The following DSCAM variants were observed in gnomAD, a reference collection of about 807,000 sequenced individuals.
DSCAM encodes DS cell adhesion molecule.
In DSCAM, 47 loss-of-function variants were observed where a neutral mutation model predicts 217.7. The observed-to-expected ratio is 0.22, with a 90% CI of 0.17 to 0.28. The LOEUF is 0.28. Among genes scored for constraint, DSCAM ranks in the 10% least tolerant of loss-of-function variants. The pLI is 1.00. For synonymous variants in DSCAM, 1,056 were observed against 1,015.3 expected (o/e 1.04, Z -0.76); for missense variants, 2,080 against 2,618.3 (o/e 0.79, Z 4.49).
At chr21:40,557,640 CT>C (rs2076682645) in intron 3 of DSCAM, among the ~76,000 whole-genome samples, 1 of 152,150 alleles carries the variant, frequency 6.6e-6, no homozygotes, top group African/African-American at 2.4e-5. Flanking sequence ...CAGCTGCTTC[CT>C]TTTTTCACCA....
intron 11 of DSCAM, among the ~76,000 whole-genome samples, chr21:40,197,149 T>C (rs1479299608): frequency 6.6e-6 from 1 of 152,036 alleles, no homozygotes; most frequent in Non-Finnish European, 1.5e-5. Context: ...GACGGAGTCT[T>C]GCTCTGTGGC....
At chr21:40,165,725 G>A (rs1241501576) in intron 16 of DSCAM, among the ~76,000 whole-genome samples, 2 of 152,160 alleles carry the variant, frequency 1.3e-5, no homozygotes, top group African/African-American at 4.8e-5. Flanking sequence ...AGCTTTTGAG[G>A]CCACAGTAAT....
chr21:40,266,257 C>G (rs527713741), intron 11 of DSCAM, among the ~76,000 whole-genome samples: 1 of 151,966 alleles, frequency 6.6e-6, no homozygotes, highest in Non-Finnish European at 1.5e-5. Flanking sequence ...AACTGCTCAA[C>G]ATCACTAACT....
chr21:40,165,194 A>G (rs1290529886), intron 16 of DSCAM, among the ~76,000 whole-genome samples: 1 of 152,244 alleles, frequency 6.6e-6, no homozygotes, highest in African/African-American at 2.4e-5. Context: ...CTCCTTACAC[A>G]AAACAGATAT....
chr21:40,267,263 C>CTT (rs79217614), intron 11 of DSCAM, among the ~76,000 whole-genome samples: 2 of 145,342 alleles, frequency 1.4e-5, no homozygotes, highest in African/African-American at 2.5e-5. Flanking sequence ...TTACAGTTAA[C>CTT]TTTTTTTTTT....
chr21:40,582,950 G>A (rs533636790), intron 3 of DSCAM, among the ~76,000 whole-genome samples: 13 of 152,070 alleles, frequency 8.5e-5, no homozygotes, highest in African/African-American at 3.1e-4. Context: ...AAAGCAATCC[G>A]ATATTTGCAA....
chr21:40,708,890 A>C (rs2090746677), intron 1 of DSCAM, 119 bp from the exon 2 acceptor site: 3 of 680,058 alleles, frequency 4.4e-6, no homozygotes, highest in Non-Finnish European at 6.5e-6. Flanking sequence ...AGGCTCAAAT[A>C]AAACCAAATA....
chr21:40,763,542 G>A (rs1569024625), intron 1 of DSCAM, among the ~76,000 whole-genome samples: 1 of 152,178 alleles, frequency 6.6e-6, no homozygotes, highest in Non-Finnish European at 1.5e-5. Flanking sequence ...TAGATTAAAT[G>A]CTATTCTCAT....
rs1432121138 is a variant in DSCAM, at chr21:40,370,516, G to A, written c.509-1271C>T. 2.0e-5 allele frequency among the ~76,000 whole-genome samples: 3 copies of A among 152,084 alleles called. No homozygotes were observed. In the East Asian group the frequency reaches 5.8e-4, roughly 29 times the overall value. On this transcript the variant is annotated intron_variant, in intron 3 of 32. Coordinates refer to ENST00000400454, the MANE Select transcript of DSCAM (RefSeq NM_001389.5). ...AATTTCCAGGAGTCTTAGCTTCATT[G>A]CTTTTGAGCTTTACATATTTAAATT...
intron 4 of DSCAM, among the ~76,000 whole-genome samples, chr21:40,359,944 A>G (rs1405019869): frequency 6.6e-6 from 1 of 152,090 alleles, no homozygotes; most frequent in Admixed American, 6.6e-5. Context: ...AAAGTAAACT[A>G]CCTCTCAACA....
rs1257768513 is a variant in DSCAM, at chr21:40,155,056, C to T, written c.3019-10325G>A. Among the ~76,000 whole-genome samples the T allele has an allele frequency of 3.3e-5, 5 of 152,328 alleles. No individual in the cohort carries two copies. In the East Asian group the frequency reaches 5.8e-4, roughly 18 times the overall value. The stretch of plus-strand genomic sequence containing the variant: ...CATTTCTAAAGTGTAGGACAGCTTC[C>T]GCTTTATTCATCCAGCCAACAAACA... On this transcript the variant is annotated intron_variant, in intron 16 of 32. Transcript: ENST00000400454.
intron 3 of DSCAM, among the ~76,000 whole-genome samples, chr21:40,407,139 A>G (rs74378590): frequency 0.012 from 1,819 of 152,238 alleles, 47 homozygotes; most frequent in African/African-American, 0.042. Context: ...TAGGTTTTAA[A>G]TGTTCACACC....
rs576254593 is a variant in DSCAM at position 40,024,107 on chromosome 21, A to C, written c.5687-10721T>G. 9.1e-4 allele frequency among the ~76,000 whole-genome samples: 65 copies of C among 71,104 alleles called. 22 individuals are homozygous for C. The highest frequency in any genetic ancestry group is 1.6e-3 in the Non-Finnish European group (55 of 34,210). 46.6% of individuals were successfully genotyped at this position (71,104 alleles called of 152,430 possible). On this transcript the variant is annotated intron_variant, in intron 32 of 32. Coordinates refer to ENST00000400454, the MANE Select transcript of DSCAM (RefSeq NM_001389.5). ...CATATGGCTAGCCAGTTTTCCCAGC[A>C]CCATTTATTAAATAGGGAATCCTTT...
intron 11 of DSCAM, among the ~76,000 whole-genome samples, chr21:40,261,651 C>CTA (rs1569029377): frequency 1.1e-5 from 1 of 94,092 alleles, no homozygotes; most frequent in Non-Finnish European, 2.6e-5. Context: ...CTCTCTCTCT[C>CTA]TACACACACA....
At chr21:40,318,030 T>C (rs896312000) in intron 8 of DSCAM, among the ~76,000 whole-genome samples, 3 of 152,048 alleles carry the variant, frequency 2.0e-5, no homozygotes, top group African/African-American at 7.2e-5. Flanking sequence ...CTGTATAGTA[T>C]TCCATGGTGT....
At chr21:40,266,928 A>T (rs1439142053) in intron 11 of DSCAM, among the ~76,000 whole-genome samples, 1 of 151,006 alleles carries the variant, frequency 6.6e-6, no homozygotes, top group Non-Finnish European at 1.5e-5. Context: ...TCAGGAATTG[A>T]AAAAGCAAAT....
chr21:40,636,908 C>T (rs1408201483), intron 3 of DSCAM, among the ~76,000 whole-genome samples: 1 of 149,876 alleles, frequency 6.7e-6, no homozygotes, highest in Non-Finnish European at 1.5e-5. Context: ...GGCTGAGAAG[C>T]CAGGGATCCA....
chr21:40,718,897 G>A (rs1166380519), intron 1 of DSCAM, among the ~76,000 whole-genome samples: 4 of 152,254 alleles, frequency 2.6e-5, no homozygotes, highest in East Asian at 3.9e-4. Flanking sequence ...AGGCCGAGGT[G>A]TGTGGCTCGC....
At chr21:40,539,248 T>TA (rs2076524297) in intron 3 of DSCAM, among the ~76,000 whole-genome samples, 1 of 152,058 alleles carries the variant, frequency 6.6e-6, no homozygotes, top group African/African-American at 2.4e-5. Context: ...CTCACGCTGG[T>TA]AATCCCAGCA....
Sources: gnomAD v4.1 joint callset for allele counts (sites outside exome capture counted in the v4.1 genomes callset) on GRCh38, gnomAD v4.1.1 for gene constraint, MANE v1.5 for transcripts, NCBI Gene and HGNC (gene_info 2026-07-23, HGNC 2026-07-21) for gene names.